PCDHA1: variants seen among roughly 807,000 people sequenced by gnomAD.
The protein encoded by PCDHA1 is protocadherin alpha-1.
A neutral mutation model predicts 61.3 loss-of-function variants in PCDHA1; 42 were observed. That is an observed-to-expected ratio of 0.69 (90% CI 0.54 to 0.89). The LOEUF is 0.89. Ranked by LOEUF, PCDHA1 falls within the 40% of genes least tolerant of loss-of-function variation. The probability of loss-of-function intolerance (pLI) is 0.00; values close to 1 mark genes in which losing one functional copy is unlikely to be tolerated. For synonymous variants in PCDHA1, 610 were observed against 553.8 expected (o/e 1.10, Z -1.43); for missense variants, 1,256 against 1,235.3 (o/e 1.02, Z -0.25).
chr5:140,824,073 A>G (rs1767987238), intron 1 of PCDHA1: 1 of 1,614,196 alleles, frequency 6.2e-7, no homozygotes, highest in Middle Eastern at 1.6e-4. Flanking sequence ...CACCCAAAAC[A>G]GACCTCATGG....
intron 1 of PCDHA1, among the ~76,000 whole-genome samples, chr5:140,903,617 G>T (rs1488747657): frequency 1.3e-5 from 2 of 152,140 alleles, no homozygotes; most frequent in Non-Finnish European, 2.9e-5. Context: ...ACATGAATGT[G>T]CATGCATATG....
chr5:140,927,051 G>T, intron 1 of PCDHA1: 1 of 1,612,116 alleles, frequency 6.2e-7, no homozygotes, highest in South Asian at 1.1e-5. Flanking sequence ...TGTCCTCGCG[G>T]AACTTTCGCT....
intron 1 of PCDHA1, among the ~76,000 whole-genome samples, chr5:140,940,470 AT>A (rs201096499): frequency 2.7e-5 from 4 of 149,646 alleles, no homozygotes; most frequent in South Asian, 2.1e-4. Flanking sequence ...GTTCCCTGCA[AT>A]TTTTTTTTTC....
At chr5:140,801,599 A>G (rs1372616794) in intron 1 of PCDHA1, 2 of 1,614,042 alleles carry the variant, frequency 1.2e-6, no homozygotes, top group African/African-American at 2.7e-5. Flanking sequence ...CAGTTTTTCC[A>G]ATGGCTGTAA....
At chr5:140,876,848 A>C (rs1562720449) in intron 1 of PCDHA1, 8 of 1,614,064 alleles carry the variant, frequency 5.0e-6, no homozygotes, top group Non-Finnish European at 5.1e-6. Flanking sequence ...GCGCAGCCCG[A>C]GTACACAGTG....
chr5:140,873,464 T>C (rs904556302), intron 1 of PCDHA1, among the ~76,000 whole-genome samples: 1 of 152,214 alleles, frequency 6.6e-6, no homozygotes, highest in Non-Finnish European at 1.5e-5. Context: ...TTTTAGATAA[T>C]TCAAATTACT....
At chr5:140,828,517 T>C (rs2150156285) in intron 1 of PCDHA1, 3 of 1,614,174 alleles carry the variant, frequency 1.9e-6, no homozygotes, top group Non-Finnish European at 2.5e-6. Flanking sequence ...GAGTGCTGAT[T>C]TACGAATCTA....
intron 1 of PCDHA1, among the ~76,000 whole-genome samples, chr5:140,904,820 A>C (rs2071403823): frequency 6.6e-6 from 1 of 152,014 alleles, no homozygotes; most frequent in African/African-American, 2.4e-5. Flanking sequence ...GATGTTGAGC[A>C]TTTTTTTATA....
intron 1 of PCDHA1, among the ~76,000 whole-genome samples, chr5:140,894,543 T>C (rs782418710): frequency 2.6e-5 from 4 of 152,088 alleles, no homozygotes; most frequent in Non-Finnish European, 4.4e-5. Flanking sequence ...TCTGGTTTAG[T>C]GTTTACTTCT....
chr5:140,786,675 A>G lies in PCDHA1; in HGVS notation c.385A>G (p.Asn129Asp), dbSNP rs782060008. The change falls in exon 1 of 4, where the codon AAT (asparagine) becomes GAT (aspartate). Residue 129 changes from asparagine to aspartate, a missense_variant. Transcript: ENST00000504120. ...GGTGAAGGTGAAAGACATTAACGAT[A>G]ATCCACCCGTCTTCAGGGGCAGAGA... ...VEVKVKDINDNPPVFRGREQI... is the reference protein window; with the variant it reads ...VEVKVKDINDDPPVFRGREQI... 3 of 1,614,226 alleles carry G rather than the reference A, an allele frequency of 1.9e-6. No homozygotes were observed. Among genetic ancestry groups the G allele is most frequent in the Non-Finnish European group, 2.5e-6 (3 of 1,180,034 alleles).
chr5:140,822,720 T>G (rs1554128830), intron 1 of PCDHA1: 1 of 1,611,974 alleles, frequency 6.2e-7, no homozygotes, highest in African/African-American at 1.3e-5. Context: ...ATAACTCATA[T>G]GAAATTAATA....
At chr5:140,828,426 G>A (rs2150155253) in intron 1 of PCDHA1, 5 of 1,614,288 alleles carry the variant, frequency 3.1e-6, no homozygotes, top group Non-Finnish European at 4.2e-6. Flanking sequence ...ATCGTGGACA[G>A]GCCGCTGCAG....
At chr5:140,828,128 T>C in intron 1 of PCDHA1, 1 of 1,613,504 alleles carries the variant, frequency 6.2e-7, no homozygotes, top group Non-Finnish European at 8.5e-7. Flanking sequence ...GGGAAAGCAA[T>C]GTCTGCTCCT....
chr5:140,956,177 A>G (rs1261759530), intron 1 of PCDHA1, among the ~76,000 whole-genome samples: 6 of 152,192 alleles, frequency 3.9e-5, no homozygotes, highest in Non-Finnish European at 8.8e-5. Flanking sequence ...AGAACTTCCA[A>G]TACTATGCTG....
intron 3 of PCDHA1, among the ~76,000 whole-genome samples, chr5:141,004,659 G>C (rs1012907350): frequency 1.3e-5 from 2 of 152,182 alleles, no homozygotes; most frequent in Admixed American, 1.3e-4. Context: ...GGCTCTGAGG[G>C]CAACTAAAGG....
At chr5:140,920,131 T>G (rs1207723509) in intron 1 of PCDHA1, among the ~76,000 whole-genome samples, 1 of 152,202 alleles carries the variant, frequency 6.6e-6, no homozygotes, top group Non-Finnish European at 1.5e-5. Context: ...TGAGTTTTAA[T>G]TCTCCTCTCC....
intron 1 of PCDHA1, among the ~76,000 whole-genome samples, chr5:140,977,624 T>C (rs139722248): frequency 6.6e-6 from 1 of 152,088 alleles, no homozygotes. Flanking sequence ...TATCCCAGAG[T>C]TGTAACTTTT....
intron 1 of PCDHA1, chr5:140,834,950 A>C: frequency 1.3e-6 from 2 of 1,550,084 alleles, no homozygotes; most frequent in Non-Finnish European, 1.8e-6. Context: ...ACCAGCAGGT[A>C]AAACCTCTTG....
At chr5:141,006,035 G>T (rs529655038) in intron 3 of PCDHA1, among the ~76,000 whole-genome samples, 7 of 151,222 alleles carry the variant, frequency 4.6e-5, no homozygotes, top group Admixed American at 2.0e-4. Flanking sequence ...GTAAGAGGGA[G>T]ATTTGTAGAT....
Sources: allele counts gnomAD v4.1 joint callset (sites outside exome capture counted in the v4.1 genomes callset), GRCh38; gene constraint gnomAD v4.1.1; transcripts MANE v1.5; gene names NCBI Gene and HGNC (gene_info 2026-07-23, HGNC 2026-07-21).